The following ACOT12 variants were observed in gnomAD, a reference collection of about 807,000 sequenced individuals.
The protein encoded by ACOT12 is acyl-CoA thioesterase 12.
ACOT12 carries 51 observed loss-of-function variants against 67.7 expected under a neutral mutation model. That is an observed-to-expected ratio of 0.75 (90% CI 0.60 to 0.95). The LOEUF (loss-of-function observed/expected upper bound fraction) is 0.95. Ranked by LOEUF, ACOT12 falls within the 40% of genes least tolerant of loss-of-function variation. The pLI is 0.00. For synonymous variants in ACOT12, 251 were observed against 244.6 expected (o/e 1.03, Z -0.24); for missense variants, 734 against 708.1 (o/e 1.04, Z -0.41).
downstream of ACOT12, among the ~76,000 whole-genome samples, chr5:81,329,840 A>T (rs375292440): frequency 8.5e-6 from 1 of 118,166 alleles, no homozygotes; most frequent in Admixed American, 9.5e-5. Flanking sequence ...AATGACACAA[A>T]GTTGTTCTTA....
intron 2 of ACOT12, among the ~76,000 whole-genome samples, chr5:81,379,420 G>T (rs1305048133): frequency 1.3e-5 from 2 of 151,930 alleles, no homozygotes; most frequent in East Asian, 3.9e-4. Context: ...CATGGCACGT[G>T]TATACCTATG....
intron 2 of ACOT12, among the ~76,000 whole-genome samples, chr5:81,373,271 A>AT (rs1225551854): frequency 2.0e-5 from 3 of 152,096 alleles, no homozygotes; most frequent in Non-Finnish European, 4.4e-5. Context: ...GGGTCAGGGG[A>AT]TTTCCCTCCC....
intron 5 of ACOT12, among the ~76,000 whole-genome samples, chr5:81,356,785 T>C (rs1345162763): frequency 6.6e-6 from 1 of 151,446 alleles, no homozygotes; most frequent in Admixed American, 6.6e-5. Flanking sequence ...CTCGTGTGTA[T>C]TTTTAAACTC....
chr5:81,381,192 G>A (rs1760573879), intron 2 of ACOT12, among the ~76,000 whole-genome samples: 2 of 151,836 alleles, frequency 1.3e-5, no homozygotes, highest in East Asian at 1.9e-4. Context: ...TCAGCTTCCC[G>A]AATAGCTGGG....
the ACOT12 span, among the ~76,000 whole-genome samples, chr5:81,321,073 T>C: frequency 1.2e-4 from 18 of 152,090 alleles, no homozygotes; most frequent in Admixed American, 6.5e-5. Context: ...CTGGGCAACA[T>C]GGCAAAACCC....
intron 2 of ACOT12, among the ~76,000 whole-genome samples, chr5:81,372,736 A>T (rs185198881): frequency 6.6e-6 from 1 of 152,308 alleles, no homozygotes; most frequent in African/African-American, 2.4e-5. Context: ...CTTCCTAAAA[A>T]CATCGTTTAT....
At chr5:81,312,639 A>T in the ACOT12 span, 1 of 1,613,608 alleles carries the variant, frequency 6.2e-7, no homozygotes, top group Middle Eastern at 1.6e-4. Flanking sequence ...CAAAACAAAA[A>T]TACCTAAAGT....
intron 5 of ACOT12, 90 bp from the exon 6 acceptor site, chr5:81,348,020 G>C (rs1373863928): frequency 7.2e-7 from 1 of 1,388,916 alleles, no homozygotes; most frequent in African/African-American, 1.5e-5. Flanking sequence ...CATTCAACTC[G>C]GATTTATAGA....
intron 9 of ACOT12, 47 bp downstream of exon 9, chr5:81,344,113 C>G: frequency 6.3e-7 from 1 of 1,580,472 alleles, no homozygotes; most frequent in Non-Finnish European, 8.6e-7. Flanking sequence ...TATAATTTGT[C>G]AGATTAACGA....
intron 4 of ACOT12, among the ~76,000 whole-genome samples, chr5:81,361,093 A>G (rs1005566776): frequency 4.0e-5 from 6 of 151,134 alleles, no homozygotes; most frequent in African/African-American, 1.5e-4. Flanking sequence ...AAAAAAAAAA[A>G]AAAAAAGAAA....
chr5:81,348,990 G>A (rs1759470144), intron 5 of ACOT12, among the ~76,000 whole-genome samples: 1 of 152,256 alleles, frequency 6.6e-6, no homozygotes, highest in Non-Finnish European at 1.5e-5. Flanking sequence ...TTTGCATCAC[G>A]AAGTGAACCA....
At position 81,330,868 on chromosome 5, in the gene ACOT12, A is replaced by G. The variant is rs765013423; in HGVS notation, c.1464T>C (p.Ser488=). 3.0e-5 allele frequency: 49 copies of G among 1,614,148 alleles called. No individual in the cohort carries two copies. In the South Asian group the frequency reaches 5.4e-4, roughly 18 times the overall value. Residue 488 remains serine (S), a synonymous_variant, in exon 14 of 15, where the codon AGT becomes AGC. Transcript: ENST00000307624. ...SVPPSPQYIR[S]EIICAGFLIH... Reference sequence around the variant, plus strand: ...TGAGAAATCCGGCACATATGATTTCACTTCTGATGTACTGTGGAGACGGGG... The same window carrying G: ...TGAGAAATCCGGCACATATGATTTCGCTTCTGATGTACTGTGGAGACGGGG...
At chr5:81,374,821 C>T (rs1296849941) in intron 2 of ACOT12, among the ~76,000 whole-genome samples, 1 of 152,098 alleles carries the variant, frequency 6.6e-6, no homozygotes, top group African/African-American at 2.4e-5. Context: ...AACAAAGCCT[C>T]CAAGAAATAT....
chr5:81,344,299 C>T, intron 8 of ACOT12, 84 bp from the exon 9 acceptor site: 1 of 1,368,756 alleles, frequency 7.3e-7, no homozygotes, highest in Non-Finnish European at 1.0e-6. Flanking sequence ...TATCCTTCTC[C>T]TAAATCAGTC....
chr5:81,318,929 G>T, the ACOT12 span, among the ~76,000 whole-genome samples: 1 of 152,174 alleles, frequency 6.6e-6, no homozygotes, highest in East Asian at 1.9e-4. Flanking sequence ...TGTTTGTTGG[G>T]GGAGAGCTCC....
At position 81,330,867 on chromosome 5, in the gene ACOT12, C is replaced by T; in HGVS notation, c.1465G>A (p.Glu489Lys). Reference sequence around the variant, plus strand: ...ATGAGAAATCCGGCACATATGATTTCACTTCTGATGTACTGTGGAGACGGG... The same window carrying T: ...ATGAGAAATCCGGCACATATGATTTTACTTCTGATGTACTGTGGAGACGGG... ...VPPSPQYIRS[E>K]IICAGFLIHA... Residue 489 changes from glutamate to lysine, a missense_variant, in exon 14 of 15, where the codon GAA becomes AAA. Glu to Lys is a moderately conservative substitution (Grantham distance 56). Transcript: ENST00000307624. The T allele has an allele frequency of 6.2e-7, 1 of 1,614,112 alleles. No homozygotes were observed. Among genetic ancestry groups the T allele is most frequent in the Non-Finnish European group, 8.5e-7 (1 of 1,179,966 alleles).
chr5:81,319,704 C>T, the ACOT12 span, among the ~76,000 whole-genome samples: 2,140 of 148,720 alleles, frequency 0.014, 28 homozygotes, highest in Middle Eastern at 0.027. Flanking sequence ...GCAACAAGAG[C>T]GAAACTGTCT....
rs565575584 is a variant in ACOT12, at chr5:81,340,733, G to A, written c.1128+1939C>T. ...TAAAAGGTGGCAGAAAAAAATTAGA[G>A]TCATATTTTGAAATTAAAAACATAT... is the stretch of plus-strand genomic sequence containing the variant. On this transcript the variant is annotated intron_variant, in intron 11 of 14. Coordinates refer to ENST00000307624, the MANE Select transcript of ACOT12 (RefSeq NM_130767.3). Among the ~76,000 whole-genome samples, 7 of 152,306 alleles carry A rather than the reference G, an allele frequency of 4.6e-5. No homozygotes were observed. The East Asian group carries it at 1.2e-3, about 25-fold the overall frequency.
At chr5:81,392,230 A>G (rs1426657796) in intron 1 of ACOT12, among the ~76,000 whole-genome samples, 1 of 152,206 alleles carries the variant, frequency 6.6e-6, no homozygotes, top group African/African-American at 2.4e-5. Context: ...CTGGCCTATA[A>G]AAAACTCTGA....
Sources: allele counts gnomAD v4.1 joint callset (sites outside exome capture counted in the v4.1 genomes callset), GRCh38; gene constraint gnomAD v4.1.1; transcripts MANE v1.5; gene names NCBI Gene and HGNC (gene_info 2026-07-23, HGNC 2026-07-21).